KDM4C: variants seen among roughly 807,000 people sequenced by gnomAD.
KDM4C encodes lysine demethylase 4C.
KDM4C carries 81 observed loss-of-function variants against 129.3 expected under a neutral mutation model. The observed-to-expected ratio is 0.63, with a 90% CI of 0.52 to 0.75. KDM4C has a LOEUF of 0.75. Ranked by LOEUF, KDM4C falls within the 30% of genes least tolerant of loss-of-function variation. KDM4C has a pLI of 0.00. For synonymous variants in KDM4C, 573 were observed against 456.1 expected (o/e 1.26, Z -3.26); for missense variants, 1,457 against 1,304.0 (o/e 1.12, Z -1.81).
chr9:6,777,109 C>T (rs549273596), intron 1 of KDM4C, among the ~76,000 whole-genome samples: 6 of 152,266 alleles, frequency 3.9e-5, no homozygotes, highest in Admixed American at 2.0e-4. Context: ...TTCACTTACT[C>T]TGTAGTCAGT....
At chr9:6,800,955 T>A (rs937003354) in intron 2 of KDM4C, among the ~76,000 whole-genome samples, 1 of 152,116 alleles carries the variant, frequency 6.6e-6, no homozygotes, top group African/African-American at 2.4e-5. Flanking sequence ...CAAACATACG[T>A]TGGAGGATAT....
intron 17 of KDM4C, among the ~76,000 whole-genome samples, chr9:7,102,577 G>T (rs1837224549): frequency 6.6e-6 from 1 of 151,924 alleles, no homozygotes; most frequent in South Asian, 2.1e-4. Flanking sequence ...TAAGACTGAG[G>T]GACAGAATCT....
intron 1 of KDM4C, among the ~76,000 whole-genome samples, chr9:6,728,026 T>C (rs1817195470): frequency 1.4e-5 from 1 of 71,174 alleles, no homozygotes; most frequent in African/African-American, 5.9e-5. Context: ...CACTACAGAA[T>C]ACTAAATAAA....
chr9:6,844,609 G>T (rs573771612), intron 4 of KDM4C, among the ~76,000 whole-genome samples: 8 of 152,348 alleles, frequency 5.3e-5, no homozygotes, highest in African/African-American at 1.7e-4. Context: ...GCTTTTGGGG[G>T]TGCCTGTCAG....
chr9:6,849,395 G>T, intron 4 of KDM4C, 112 bp from the exon 5 acceptor site: 1 of 807,700 alleles, frequency 1.2e-6, no homozygotes, highest in Non-Finnish European at 1.8e-6. Context: ...TTTTCAGTTA[G>T]TTAGAATATA....
intron 8 of KDM4C, among the ~76,000 whole-genome samples, chr9:6,919,279 C>A (rs12684967): frequency 0.46 from 53,811 of 117,152 alleles, 10,817 homozygotes; most frequent in South Asian, 0.57. Context: ...TTCTGTCTCT[C>A]TCTCTCTCTT....
intron 8 of KDM4C, among the ~76,000 whole-genome samples, chr9:6,948,798 G>T (rs554407088): frequency 6.6e-6 from 1 of 152,068 alleles, no homozygotes; most frequent in Non-Finnish European, 1.5e-5. Context: ...CACCGGGTTG[G>T]GGGTAAGGTC....
At chr9:6,975,627 G>A (rs1215083842) in intron 8 of KDM4C, among the ~76,000 whole-genome samples, 2 of 152,188 alleles carry the variant, frequency 1.3e-5, no homozygotes, top group Admixed American at 6.5e-5. Context: ...TAGGCACCTA[G>A]AATATACTTC....
At chr9:6,743,384 T>C (rs1437849878) in intron 1 of KDM4C, among the ~76,000 whole-genome samples, 1 of 152,204 alleles carries the variant, frequency 6.6e-6, no homozygotes, top group African/African-American at 2.4e-5. Context: ...TTTCATTTAC[T>C]GAGTTAATGA....
At chr9:6,959,898 G>C (rs1829737549) in intron 8 of KDM4C, among the ~76,000 whole-genome samples, 1 of 151,966 alleles carries the variant, frequency 6.6e-6, no homozygotes, top group East Asian at 1.9e-4. Flanking sequence ...TAAGATTATG[G>C]TTACTACGAA....
Position 6,935,692 on chromosome 9 carries a change from C to T in KDM4C, c.921+42460C>T, listed in dbSNP as rs558190187. Among the ~76,000 whole-genome samples the T allele has an allele frequency of 4.6e-5, 7 of 151,742 alleles. No homozygotes were observed. In the South Asian group the frequency reaches 1.2e-3, roughly 27 times the overall value. The stretch of plus-strand genomic sequence containing the variant: ...TTCTTAACAGAATCATCCAAAACTT[C>T]GTTTTTATTAGGAAGTATGATACTT... On this transcript the variant is annotated intron_variant, in intron 8 of 21. Transcript: ENST00000381309.
intron 4 of KDM4C, among the ~76,000 whole-genome samples, chr9:6,817,096 A>G (rs543192621): frequency 1.3e-5 from 2 of 152,074 alleles, no homozygotes; most frequent in South Asian, 2.1e-4. Flanking sequence ...ATTGAAGGAT[A>G]TATGATTGAA....
At chr9:6,811,918 T>C (rs929236453) in intron 3 of KDM4C, among the ~76,000 whole-genome samples, 1 of 152,198 alleles carries the variant, frequency 6.6e-6, no homozygotes, top group African/African-American at 2.4e-5. Context: ...GTGGAATAGC[T>C]GTGATTGTCC....
intron 18 of KDM4C, chr9:7,104,210 A>T (rs147200649): frequency 4.0e-4 from 88 of 222,198 alleles, no homozygotes; most frequent in African/African-American, 1.7e-3. Context: ...GCACATATCC[A>T]GGATGAGAGT....
At chr9:7,060,884 G>A (rs1016873557) in intron 17 of KDM4C, among the ~76,000 whole-genome samples, 6 of 152,118 alleles carry the variant, frequency 3.9e-5, no homozygotes, top group Non-Finnish European at 7.4e-5. Flanking sequence ...AAGTCCTTCT[G>A]CAGGTTATAA....
chr9:6,884,419 G>A (rs1844945678), intron 6 of KDM4C, among the ~76,000 whole-genome samples: 1 of 152,110 alleles, frequency 6.6e-6, no homozygotes, highest in Non-Finnish European at 1.5e-5. Flanking sequence ...GTTTCTGAAA[G>A]CATTTTTCAC....
chr9:6,725,191 A>G (rs34554855), intron 1 of KDM4C, among the ~76,000 whole-genome samples: 13,156 of 152,150 alleles, frequency 0.086, 744 homozygotes, highest in Non-Finnish European at 0.12. Flanking sequence ...GGCCGAGGCC[A>G]CTGTGACAAT....
rs541821664 is a variant in KDM4C, at chr9:7,029,530, G to A, written c.2259+13601G>A. On this transcript the variant is annotated intron_variant, in intron 15 of 21. Coordinates refer to ENST00000381309, the MANE Select transcript of KDM4C (RefSeq NM_015061.6). ...CTAATAAGTAATAGGAGAATTTTTT[G>A]TGTGATCTTCTGAAGAATTTAAATT... 6.0e-4 allele frequency among the ~76,000 whole-genome samples: 91 copies of A among 151,744 alleles called. No individual in the cohort carries two copies. In the South Asian group the frequency reaches 0.017, roughly 28 times the overall value.
chr9:7,165,131 C>G (rs1228838514), intron 19 of KDM4C, 107 bp from the exon 20 acceptor site: 1 of 1,324,614 alleles, frequency 7.5e-7, no homozygotes, highest in African/African-American at 1.5e-5. Flanking sequence ...CCATAAAACA[C>G]AGAGGCAATA....
Sources: gnomAD v4.1 joint callset for allele counts (sites outside exome capture counted in the v4.1 genomes callset) on GRCh38, gnomAD v4.1.1 for gene constraint, MANE v1.5 for transcripts, NCBI Gene and HGNC (gene_info 2026-07-23, HGNC 2026-07-21) for gene names.